EYS: variants seen among roughly 807,000 people sequenced by gnomAD.
EYS encodes EGF-like photoreceptor maintenance factor, also known as protein eyes shut homolog.
EYS carries 250 observed loss-of-function variants against 282.1 expected under a neutral mutation model. The ratio of observed to expected loss-of-function variants is 0.89; its 90% CI spans 0.80 to 0.98. EYS has a LOEUF of 0.98. EYS is among the 50% of genes least tolerant of loss of function. The pLI is 0.00. For synonymous variants in EYS, 1,355 were observed against 1,282.9 expected (o/e 1.06, Z -1.20); for missense variants, 4,016 against 3,709.0 (o/e 1.08, Z -2.15).
intron 36 of EYS, among the ~76,000 whole-genome samples, chr6:63,851,249 A>C (rs1772242554): frequency 6.6e-6 from 1 of 152,340 alleles, no homozygotes; most frequent in South Asian, 2.1e-4. Flanking sequence ...CCCACTGGCA[A>C]TATTGGACAA....
At chr6:64,529,481 T>G (rs569904081) in intron 26 of EYS, among the ~76,000 whole-genome samples, 16 of 152,168 alleles carry the variant, frequency 1.1e-4, no homozygotes, top group Non-Finnish European at 1.5e-4. Flanking sequence ...ATCCATATAC[T>G]CTAGTGGAGT....
intron 26 of EYS, among the ~76,000 whole-genome samples, chr6:64,479,827 T>A (rs1485182094): frequency 6.6e-6 from 1 of 151,886 alleles, no homozygotes; most frequent in Non-Finnish European, 1.5e-5. Context: ...CATAATACAA[T>A]AAAGTTTATT....
At chr6:64,870,502 T>C (rs2150053813) in intron 19 of EYS, among the ~76,000 whole-genome samples, 2 of 135,682 alleles carry the variant, frequency 1.5e-5, no homozygotes, top group Admixed American at 1.5e-4. Context: ...GATCAAAATA[T>C]CCACTTTTCA....
At chr6:64,997,831 T>C in intron 13 of EYS, 128 bp from the exon 14 acceptor site, 1 of 760,390 alleles carries the variant, frequency 1.3e-6, no homozygotes, top group Non-Finnish European at 2.0e-6. Context: ...AGAATTATTA[T>C]ATTTAATCGA....
intron 12 of EYS, among the ~76,000 whole-genome samples, chr6:65,066,971 G>T (rs930789314): frequency 2.6e-5 from 4 of 152,110 alleles, no homozygotes; most frequent in African/African-American, 4.8e-5. Context: ...GGAGAGAAAG[G>T]TCATGGTCTT....
At chr6:63,882,917 T>C (rs954233806) in intron 35 of EYS, among the ~76,000 whole-genome samples, 3 of 152,118 alleles carry the variant, frequency 2.0e-5, no homozygotes, top group African/African-American at 4.8e-5. Flanking sequence ...AAAAGGAGAT[T>C]TGAAAAACTA....
chr6:64,091,050 C>T (rs1270823120), intron 31 of EYS, among the ~76,000 whole-genome samples: 1 of 152,160 alleles, frequency 6.6e-6, no homozygotes, highest in Non-Finnish European at 1.5e-5. Flanking sequence ...TCCAAGACTG[C>T]CTGATTCCCT....
intron 30 of EYS, among the ~76,000 whole-genome samples, chr6:64,238,891 A>G (rs1766698627): frequency 6.6e-6 from 1 of 152,042 alleles, no homozygotes; most frequent in South Asian, 2.1e-4. Context: ...TCCTAATGCT[A>G]TCCCTCCACT....
chr6:64,395,846 A>G (rs752988042), intron 28 of EYS, among the ~76,000 whole-genome samples: 33 of 152,240 alleles, frequency 2.2e-4, no homozygotes, highest in Admixed American at 5.9e-4. Flanking sequence ...AAAGACACCT[A>G]CATAGCATCC....
intron 26 of EYS, among the ~76,000 whole-genome samples, chr6:64,586,568 T>C (rs1308271106): frequency 2.0e-5 from 3 of 152,042 alleles, no homozygotes; most frequent in Admixed American, 2.0e-4. Context: ...TTTGAAGATG[T>C]AAATCTTTTC....
chr6:65,046,421 G>A (rs1250243140), intron 13 of EYS, among the ~76,000 whole-genome samples: 2 of 151,814 alleles, frequency 1.3e-5, no homozygotes, highest in African/African-American at 4.8e-5. Context: ...TGCCATATCT[G>A]TTTGTCTTTT....
intron 29 of EYS, among the ~76,000 whole-genome samples, chr6:64,375,731 T>C (rs1235553269): frequency 6.6e-6 from 1 of 152,196 alleles, no homozygotes; most frequent in Non-Finnish European, 1.5e-5. Context: ...ATAGATTATT[T>C]TCTCCACTTT....
At chr6:64,562,903 T>C (rs1376327741) in intron 26 of EYS, among the ~76,000 whole-genome samples, 1 of 151,952 alleles carries the variant, frequency 6.6e-6, no homozygotes, top group Non-Finnish European at 1.5e-5. Context: ...TGATTTTCAT[T>C]TGGTTGCAGA....
At chr6:65,181,009 G>C (rs1765367057) in intron 12 of EYS, among the ~76,000 whole-genome samples, 1 of 152,134 alleles carries the variant, frequency 6.6e-6, no homozygotes, top group African/African-American at 2.4e-5. Flanking sequence ...GCCATATGTA[G>C]AAAGCTGAAA....
rs6912476 is a variant in EYS at position 64,234,179 on chromosome 6, T to G, written c.6192-3355A>C. Among the ~76,000 whole-genome samples, 1,386 of 152,254 alleles carry G rather than the reference T, an allele frequency of 9.1e-3. 18 individuals are homozygous for G. Among genetic ancestry groups the G allele is most frequent in the African/African-American group, 0.031 (1,296 of 41,552 alleles). On this transcript the variant is annotated intron_variant, in intron 30 of 42. Coordinates refer to ENST00000503581, the MANE Select transcript of EYS (RefSeq NM_001142800.2). The stretch of plus-strand genomic sequence containing the variant: ...AAGAAAGGATTCAAAAATCACTGTG[T>G]TTGATTGTAAAGAGTAGTAAAATAA...
At chr6:64,419,045 C>G (rs995785522) in intron 28 of EYS, among the ~76,000 whole-genome samples, 1 of 152,108 alleles carries the variant, frequency 6.6e-6, no homozygotes, top group Admixed American at 6.6e-5. Context: ...CTGACTCTGA[C>G]TACAATTTAA....
At chr6:65,000,526 C>A (rs1771427873) in intron 13 of EYS, among the ~76,000 whole-genome samples, 2 of 152,156 alleles carry the variant, frequency 1.3e-5, no homozygotes, top group African/African-American at 4.8e-5. Flanking sequence ...AATCCCAGCA[C>A]TTCGGGAGGC....
Position 64,886,092 on chromosome 6 carries a change from A to G in EYS, c.2992+605T>C, listed in dbSNP as rs914526086. 1.3e-4 allele frequency among the ~76,000 whole-genome samples: 20 copies of G among 151,906 alleles called. No individual in the cohort carries two copies. In the Admixed American group the frequency reaches 1.3e-3, roughly 10 times the overall value. ...AAAACTATATTATTGTTAGTCCCAT[A>G]TCATTAATACTAGTATGCCAAAACT... On this transcript the variant is annotated intron_variant, in intron 19 of 42. Coordinates refer to ENST00000503581, the MANE Select transcript of EYS (RefSeq NM_001142800.2).
chr6:63,931,778 A>C, intron 35 of EYS, among the ~76,000 whole-genome samples: 1 of 152,202 alleles, frequency 6.6e-6, no homozygotes, highest in East Asian at 1.9e-4. Context: ...TGTGTTGTGA[A>C]TATTTAACAA....
Sources: gnomAD v4.1 joint callset for allele counts (sites outside exome capture counted in the v4.1 genomes callset) on GRCh38, gnomAD v4.1.1 for gene constraint, MANE v1.5 for transcripts, NCBI Gene and HGNC (gene_info 2026-07-23, HGNC 2026-07-21) for gene names.